ANK2: variants seen among roughly 807,000 people sequenced by gnomAD.
ANK2 encodes the protein ankyrin-2.
A neutral mutation model predicts 360.5 loss-of-function variants in ANK2; 83 were observed. The observed-to-expected ratio is 0.23, with a 90% CI of 0.19 to 0.28. The LOEUF is 0.28. ANK2 is among the 10% of genes least tolerant of loss of function. The pLI is 1.00. For missense variants in ANK2, 4,201 were observed against 4,795.7 expected (o/e 0.88, Z 3.66); for synonymous variants, 1,740 against 1,759.5 (o/e 0.99, Z 0.28).
At chr4:113,007,527 A>G (rs1309981232) in intron 2 of ANK2, among the ~76,000 whole-genome samples, 3 of 152,186 alleles carry the variant, frequency 2.0e-5, no homozygotes, top group African/African-American at 7.2e-5. Flanking sequence ...TCCCCATCTC[A>G]GAAGAAAACT....
At chr4:113,068,618 A>G (rs1580641569) in intron 1 of ANK2, among the ~76,000 whole-genome samples, 1 of 152,306 alleles carries the variant, frequency 6.6e-6, no homozygotes, top group African/African-American at 2.4e-5. Context: ...ATTAGAAATG[A>G]CTCACATGAT....
chr4:112,832,804 A>T (rs2060092466), intron 1 of ANK2, among the ~76,000 whole-genome samples: 1 of 152,212 alleles, frequency 6.6e-6, no homozygotes, highest in Non-Finnish European at 1.5e-5. Context: ...TTTTAAAAGG[A>T]TATATATTCT....
upstream of ANK2, among the ~76,000 whole-genome samples, chr4:113,046,983 C>T (rs1041251271): frequency 2.0e-5 from 3 of 152,272 alleles, no homozygotes; most frequent in South Asian, 6.2e-4. Flanking sequence ...ATTGGGCTAC[C>T]AAACACATTG....
At chr4:113,285,651 A>G (rs973023517) in intron 18 of ANK2, among the ~76,000 whole-genome samples, 1 of 152,186 alleles carries the variant, frequency 6.6e-6, no homozygotes, top group African/African-American at 2.4e-5. Context: ...GTGTTCAGCT[A>G]TCCAGAAGCT....
intron 1 of ANK2, among the ~76,000 whole-genome samples, chr4:113,060,812 T>C (rs1202792570): frequency 6.6e-6 from 1 of 151,906 alleles, no homozygotes; most frequent in African/African-American, 2.4e-5. Flanking sequence ...AGATGTGAAT[T>C]CTCAGACTCA....
intron 1 of ANK2, chr4:112,827,502 T>A: frequency 7.8e-7 from 1 of 1,281,208 alleles, no homozygotes; most frequent in Non-Finnish European, 1.1e-6. Flanking sequence ...AACAGTTGCT[T>A]CATCTAAGAA....
At chr4:112,739,915 G>A in the ANK2 span, among the ~76,000 whole-genome samples, 1 of 152,170 alleles carries the variant, frequency 6.6e-6, no homozygotes, top group Non-Finnish European at 1.5e-5. Flanking sequence ...AGGATCTCTT[G>A]AGCCTGGGAG....
chr4:112,741,526 T>A, the ANK2 span, among the ~76,000 whole-genome samples: 1 of 152,236 alleles, frequency 6.6e-6, no homozygotes, highest in South Asian at 2.1e-4. Flanking sequence ...TCTGTCATCA[T>A]CATAGTCAGT....
chr4:113,249,077 T>C (rs2044602420), intron 9 of ANK2, among the ~76,000 whole-genome samples: 1 of 152,334 alleles, frequency 6.6e-6, no homozygotes, highest in South Asian at 2.1e-4. Flanking sequence ...TTATAAGTAA[T>C]ATAGCATACA....
At chr4:113,186,650 T>A (rs2098535141) in intron 2 of ANK2, among the ~76,000 whole-genome samples, 1 of 150,906 alleles carries the variant, frequency 6.6e-6, no homozygotes, top group Admixed American at 6.6e-5. Context: ...TGTAAAGAAG[T>A]AAACAAATCC....
chr4:112,935,358 C>A (rs970686964), intron 2 of ANK2, among the ~76,000 whole-genome samples: 5 of 152,072 alleles, frequency 3.3e-5, no homozygotes, highest in Non-Finnish European at 7.4e-5. Flanking sequence ...AATATATAAT[C>A]TTTGGTTTAT....
At chr4:112,754,535 G>A in the ANK2 span, among the ~76,000 whole-genome samples, 39 of 149,124 alleles carry the variant, frequency 2.6e-4, no homozygotes, top group African/African-American at 9.4e-4. Context: ...CGTGTATTAT[G>A]TTAAAAACTT....
chr4:112,870,139 C>T (rs529406724), intron 1 of ANK2, among the ~76,000 whole-genome samples: 3 of 152,162 alleles, frequency 2.0e-5, no homozygotes, highest in Non-Finnish European at 2.9e-5. Flanking sequence ...GCTGGGACTA[C>T]AGGTGCCCGC....
chr4:112,897,149 T>C (rs113372506), intron 1 of ANK2, among the ~76,000 whole-genome samples: 5 of 152,258 alleles, frequency 3.3e-5, no homozygotes, highest in African/African-American at 1.2e-4. Flanking sequence ...GCCAATTCTT[T>C]AAATTTTCAT....
upstream of ANK2, among the ~76,000 whole-genome samples, chr4:113,049,059 A>C (rs575990694): frequency 2.6e-4 from 39 of 152,252 alleles, no homozygotes; most frequent in African/African-American, 9.4e-4. Context: ...TCAGAAGCTT[A>C]CATTGGAAAG....
At chr4:112,817,833 T>C (rs2055811572), upstream of ANK2, among the ~76,000 whole-genome samples, 1 of 152,182 alleles carries the variant, frequency 6.6e-6, no homozygotes, top group Non-Finnish European at 1.5e-5. Context: ...ATATATCTGA[T>C]ACATTTAGGC....
chr4:113,030,438 T>C (rs1374854494), intron 2 of ANK2, among the ~76,000 whole-genome samples: 1 of 152,124 alleles, frequency 6.6e-6, no homozygotes, highest in African/African-American at 2.4e-5. Context: ...GTCTAGAATA[T>C]GTCTGTCAGA....
chr4:113,100,212 C>A (rs77649042), intron 1 of ANK2, among the ~76,000 whole-genome samples: 16,294 of 151,984 alleles, frequency 0.11, 1,017 homozygotes, highest in African/African-American at 0.17. Flanking sequence ...GAAAAAAAAT[C>A]TTTGCAAAAC....
intron 2 of ANK2, among the ~76,000 whole-genome samples, chr4:112,929,073 G>A (rs547891652): frequency 2.0e-5 from 3 of 152,004 alleles, no homozygotes; most frequent in East Asian, 3.9e-4. Flanking sequence ...GGCTGGTCTC[G>A]AACTCCCAAC....
Sources: gnomAD v4.1 joint callset for allele counts (sites outside exome capture counted in the v4.1 genomes callset) on GRCh38, gnomAD v4.1.1 for gene constraint, MANE v1.5 for transcripts, NCBI Gene and HGNC (gene_info 2026-07-23, HGNC 2026-07-21) for gene names.